Variants in PCSK6 observed in about 807,000 individuals in gnomAD.
The protein encoded by PCSK6 is proprotein convertase subtilisin/kexin type 6.
PCSK6 carries 85 observed loss-of-function variants against 123.3 expected under a neutral mutation model. The observed-to-expected ratio is 0.69, with a 90% CI of 0.58 to 0.83. The LOEUF (loss-of-function observed/expected upper bound fraction) is 0.83. Ranked by LOEUF, PCSK6 falls within the 40% of genes least tolerant of loss-of-function variation. The pLI is 0.00. For missense variants in PCSK6, 1,191 were observed against 1,282.3 expected (o/e 0.93, Z 1.09); for synonymous variants, 508 against 516.0 (o/e 0.98, Z 0.21).
intron 10 of PCSK6, among the ~76,000 whole-genome samples, chr15:101,383,205 G>C (rs927371784): frequency 3.3e-5 from 5 of 151,966 alleles, no homozygotes; most frequent in Non-Finnish European, 7.4e-5. Flanking sequence ...TCAGGAGTTC[G>C]AGACCAGCCT....
intron 6 of PCSK6, among the ~76,000 whole-genome samples, chr15:101,413,073 C>T (rs942985821): frequency 2.3e-4 from 35 of 151,352 alleles, no homozygotes; most frequent in Admixed American, 2.2e-3. Context: ...GAAAAGTTCT[C>T]GAAGAAATAA....
chr15:101,359,068 G>A (rs1186143335), intron 13 of PCSK6, among the ~76,000 whole-genome samples: 1 of 152,210 alleles, frequency 6.6e-6, no homozygotes, highest in African/African-American at 2.4e-5. Flanking sequence ...AGCAGGGAGG[G>A]CTTGCCGTGC....
At chr15:101,429,654 C>T (rs754962610) in intron 5 of PCSK6, among the ~76,000 whole-genome samples, 1 of 152,236 alleles carries the variant, frequency 6.6e-6, no homozygotes, top group Admixed American at 6.5e-5. Context: ...CTGCTGTCTT[C>T]ACACAGCAGG....
At chr15:101,342,053 C>A (rs1309820195) in intron 13 of PCSK6, among the ~76,000 whole-genome samples, 1 of 139,000 alleles carries the variant, frequency 7.2e-6, no homozygotes, top group African/African-American at 2.7e-5. Context: ...TTGCTTGAAC[C>A]TGGGAGGTGG....
chr15:101,467,958 C>T (rs934850470), intron 1 of PCSK6, among the ~76,000 whole-genome samples: 4 of 152,130 alleles, frequency 2.6e-5, no homozygotes, highest in East Asian at 1.9e-4. Context: ...AGTCACTGGA[C>T]GGGTGGTGGC....
chr15:101,403,276 T>TG (rs1173238801), intron 6 of PCSK6, among the ~76,000 whole-genome samples: 2 of 53,370 alleles, frequency 3.7e-5, no homozygotes, highest in South Asian at 7.6e-4. Context: ...TGTTGTGGGG[T>TG]GGGGGGAGGG....
At chr15:101,463,617 G>A (rs1418511366) in intron 1 of PCSK6, among the ~76,000 whole-genome samples, 1 of 152,200 alleles carries the variant, frequency 6.6e-6, no homozygotes, top group African/African-American at 2.4e-5. Context: ...CTGGGATTCG[G>A]TTGTTCATCT....
At chr15:101,424,838 CATG>C (rs569348670) in intron 6 of PCSK6, among the ~76,000 whole-genome samples, 21 of 152,300 alleles carry the variant, frequency 1.4e-4, no homozygotes, top group African/African-American at 4.6e-4. Context: ...TTGGGATATG[CATG>C]ATAACAGGGA....
At chr15:101,466,890 T>G (rs1053432927) in intron 1 of PCSK6, among the ~76,000 whole-genome samples, 2 of 152,046 alleles carry the variant, frequency 1.3e-5, no homozygotes, top group Non-Finnish European at 2.9e-5. Flanking sequence ...GGATAGCATT[T>G]CTTTCTGGGG....
rs956427716 is a variant in PCSK6, at chr15:101,318,384, C to G, written c.2504G>C (p.Gly835Ala). The change falls in exon 19 of 22, where the codon GGC becomes GCC. Residue 835 changes from glycine (G) to alanine (A), a missense_variant. Transcript: ENST00000611716. Reference protein sequence around the residue: ...RGSCIPDCEPGTYFDSELIRC... With the variant: ...RGSCIPDCEPATYFDSELIRC... ...GATCAGCTCTGAGTCAAAGTAGGTG[C>G]CTGGCTCACAGTCAGGAATGCAGCT... The G allele has an allele frequency of 1.3e-6, 2 of 1,564,736 alleles. No homozygotes were observed. The highest frequency in any genetic ancestry group is 1.9e-5 in the Admixed American group (1 of 52,722).
chr15:101,401,235 G>A (rs1397818048), intron 6 of PCSK6, among the ~76,000 whole-genome samples: 6 of 152,370 alleles, frequency 3.9e-5, no homozygotes, highest in Non-Finnish European at 8.8e-5. Flanking sequence ...TGTCAGCCAC[G>A]TGGGCGTGGG....
intron 13 of PCSK6, among the ~76,000 whole-genome samples, chr15:101,352,069 G>C (rs777869889): frequency 6.7e-6 from 1 of 150,096 alleles, no homozygotes; most frequent in Non-Finnish European, 1.5e-5. Flanking sequence ...CCATGGGCTA[G>C]ACAGAAGTGA....
At chr15:101,341,999 G>T (rs186720718) in intron 13 of PCSK6, among the ~76,000 whole-genome samples, 1 of 151,836 alleles carries the variant, frequency 6.6e-6, no homozygotes, top group Non-Finnish European at 1.5e-5. Context: ...GCGCGGTGGT[G>T]CATGCCTGTA....
chr15:101,421,174 G>A (rs1452763268), intron 6 of PCSK6, among the ~76,000 whole-genome samples: 2 of 152,266 alleles, frequency 1.3e-5, no homozygotes, highest in East Asian at 3.9e-4. Flanking sequence ...GGGAACTCCT[G>A]ACCTCAGGTG....
In PCSK6 at chr15:101,380,991, G is replaced by C. The variant is rs1249332081; in HGVS notation, c.1532+1101C>G. On this transcript the variant is annotated intron_variant, in intron 11 of 21. Transcript: ENST00000611716. ...AAAAACAGCTGCGATGGCAGAATTG[G>C]AATAATCTGATTTCCTCTCCTAGTG... Among the ~76,000 whole-genome samples, 4 of 151,754 alleles carry C rather than the reference G, an allele frequency of 2.6e-5. 1 individual carries two copies. Among genetic ancestry groups the C allele is most frequent in the Non-Finnish European group, 5.9e-5 (4 of 67,978 alleles).
rs182450544 is a variant in PCSK6, at chr15:101,335,116, C to T, written c.1859-3085G>A. On this transcript the variant is annotated intron_variant, in intron 13 of 21. Coordinates refer to ENST00000611716, the MANE Select transcript of PCSK6 (RefSeq NM_002570.5). The stretch of plus-strand genomic sequence containing the variant: ...CTAGGACTACAGGTGTGCACCACCA[C>T]GCCCGGCTACTTTTTGTATTTTTGG... Among the ~76,000 whole-genome samples, 15 of 152,246 alleles carry T rather than the reference C, an allele frequency of 9.9e-5. No homozygotes were observed. The East Asian group carries it at 1.5e-3, about 16-fold the overall frequency.
rs112057542 is a variant in PCSK6 at position 101,357,432 on chromosome 15, C to T, written c.1858+8764G>A. Among the ~76,000 whole-genome samples, 815 of 152,364 alleles carry T rather than the reference C, an allele frequency of 5.3e-3. 7 individuals carry two copies. Among genetic ancestry groups the T allele is most frequent in the African/African-American group, 0.019 (781 of 41,590 alleles). ...CTGACCAGCCCTGCATTTTCCCGGC[C>T]TCTAGAGCTCTGAATCCTGGAGCTA... On this transcript the variant is annotated intron_variant, in intron 13 of 21. Coordinates refer to ENST00000611716, the MANE Select transcript of PCSK6 (RefSeq NM_002570.5).
In PCSK6 at chr15:101,430,966, G is replaced by A. The variant is rs116590057; in HGVS notation, c.657+354C>T. Among the ~76,000 whole-genome samples the A allele has an allele frequency of 3.6e-3, 548 of 152,282 alleles. 5 individuals are homozygous for A. Among genetic ancestry groups the A allele is most frequent in the African/African-American group, 0.013 (524 of 41,556 alleles). ...TTGCAGACCCAGGATAGGAACCCAG[G>A]CACTCTGGGCCTAGAGCCCGTGTTT... is the stretch of plus-strand genomic sequence containing the variant. On this transcript the variant is annotated intron_variant, in intron 4 of 21. Coordinates refer to ENST00000611716, the MANE Select transcript of PCSK6 (RefSeq NM_002570.5).
intron 1 of PCSK6, among the ~76,000 whole-genome samples, chr15:101,447,753 C>A (rs2056928245): frequency 6.6e-6 from 1 of 152,270 alleles, no homozygotes; most frequent in African/African-American, 2.4e-5. Context: ...TGCTGCTTGG[C>A]TGTGGCCTCG....
Sources: allele counts gnomAD v4.1 joint callset (sites outside exome capture counted in the v4.1 genomes callset), GRCh38; gene constraint gnomAD v4.1.1; transcripts MANE v1.5; gene names NCBI Gene and HGNC (gene_info 2026-07-23, HGNC 2026-07-21).